PDE1A: variants seen among roughly 807,000 people sequenced by gnomAD.
The protein encoded by PDE1A is phosphodiesterase 1A, also known as dual specificity calcium/calmodulin-dependent 3',5'-cyclic nucleotide phosphodiesterase 1A.
PDE1A carries 35 observed loss-of-function variants against 61.7 expected under a neutral mutation model. The ratio of observed to expected loss-of-function variants is 0.57; its 90% CI spans 0.43 to 0.75. The LOEUF (loss-of-function observed/expected upper bound fraction) is 0.75, where lower values mean the gene tolerates loss of function less well. Ranked by LOEUF, PDE1A falls within the 30% of genes least tolerant of loss-of-function variation. PDE1A has a pLI of 0.00. For missense variants in PDE1A, 597 were observed against 630.6 expected (o/e 0.95, Z 0.57); for synonymous variants, 232 against 213.2 (o/e 1.09, Z -0.77).
intron 2 of PDE1A, among the ~76,000 whole-genome samples, chr2:182,470,612 G>GCCTC (rs1463490246): frequency 2.0e-5 from 3 of 151,794 alleles, no homozygotes; most frequent in Admixed American, 1.3e-4. Context: ...AAGTGGAGGG[G>GCCTC]CCTCCACTAC....
At chr2:182,597,679 C>T in the PDE1A span, among the ~76,000 whole-genome samples, 91,153 of 152,082 alleles carry the variant, frequency 0.6, 28,800 homozygotes, top group African/African-American at 0.79. Flanking sequence ...TCTCTAGATG[C>T]TAACTTTATT....
chr2:182,705,021 G>T, the PDE1A span, among the ~76,000 whole-genome samples: 1 of 152,200 alleles, frequency 6.6e-6, no homozygotes, highest in Admixed American at 6.5e-5. Flanking sequence ...CCTGGAGAAT[G>T]TGGCAAACCA....
chr2:182,186,869 A>G (rs1382054997), intron 11 of PDE1A, among the ~76,000 whole-genome samples: 2 of 152,230 alleles, frequency 1.3e-5, no homozygotes, highest in African/African-American at 4.8e-5. Flanking sequence ...AGCCTTATAT[A>G]ATATACGATT....
chr2:182,251,028 C>T (rs1691360215), intron 2 of PDE1A, among the ~76,000 whole-genome samples: 1 of 152,068 alleles, frequency 6.6e-6, no homozygotes, highest in Non-Finnish European at 1.5e-5. Context: ...AGAAAACTGC[C>T]CAAAGCCTTG....
intron 2 of PDE1A, among the ~76,000 whole-genome samples, chr2:182,451,040 C>T (rs1170271130): frequency 6.6e-6 from 1 of 151,986 alleles, no homozygotes; most frequent in African/African-American, 2.4e-5. Flanking sequence ...ATGACCAATG[C>T]TATGGAAATA....
the PDE1A span, among the ~76,000 whole-genome samples, chr2:182,627,492 G>T: frequency 6.9e-6 from 1 of 143,958 alleles, no homozygotes; most frequent in Admixed American, 7.4e-5. Flanking sequence ...ATTCAAGATT[G>T]CTCCAACAAA....
intron 1 of PDE1A, among the ~76,000 whole-genome samples, chr2:182,422,109 AGT>A (rs1394145742): frequency 2.6e-5 from 4 of 152,206 alleles, no homozygotes; most frequent in South Asian, 2.1e-4. Context: ...GGCTGCCTTT[AGT>A]GTCTTCGATC....
chr2:182,147,016 G>T, downstream of PDE1A: 4 of 1,043,738 alleles, frequency 3.8e-6, no homozygotes, highest in Non-Finnish European at 2.9e-6. Context: ...TTAAGTTTCT[G>T]GTCTATAAAA....
chr2:182,452,959 G>C (rs1035489454), intron 2 of PDE1A, among the ~76,000 whole-genome samples: 2 of 152,100 alleles, frequency 1.3e-5, no homozygotes, highest in African/African-American at 2.4e-5. Context: ...GACTGCACTT[G>C]CACTTTTTTA....
At chr2:182,604,574 C>T in the PDE1A span, among the ~76,000 whole-genome samples, 4 of 152,060 alleles carry the variant, frequency 2.6e-5, no homozygotes, top group South Asian at 6.2e-4. Flanking sequence ...AAAAAGACAA[C>T]CAATGAAAGA....
At chr2:182,676,723 A>AGTAG in the PDE1A span, among the ~76,000 whole-genome samples, 1 of 152,250 alleles carries the variant, frequency 6.6e-6, no homozygotes, top group Non-Finnish European at 1.5e-5. Context: ...ACCATGAGCA[A>AGTAG]GTAGGCTTCC....
chr2:182,499,186 T>TTGTTTTC lies in PDE1A; in HGVS notation c.101+23089_101+23090insGAAAACA, dbSNP rs1553633048. Among the ~76,000 whole-genome samples, 86 of 135,284 alleles carry TTGTTTTC rather than the reference T, an allele frequency of 6.4e-4. 1 individual carries two copies. The highest frequency in any genetic ancestry group is 2.4e-3 in the African/African-American group (85 of 35,332). 88.8% of individuals were successfully genotyped at this position (135,284 alleles called of 152,430 possible). A position where few individuals can be genotyped will look rare whatever the true frequency, so the allele number is the denominator to read the frequency against. ...TCTCTTTTTCTTGTTTTTTTTTTTTTTTTTTTTTGAGACGGAGTCTTGCTC... is the reference window on the plus strand; with the variant it reads ...TCTCTTTTTCTTGTTTTTTTTTTTTTTGTTTTCTTTTTTTTGAGACGGAGTCTTGCTC... On this transcript the variant is annotated intron_variant, in intron 2 of 14. Coordinates refer to the PDE1A transcript ENST00000410103.
upstream of PDE1A, among the ~76,000 whole-genome samples, chr2:182,431,232 A>T (rs146529119): frequency 0.013 from 1,937 of 151,636 alleles, 26 homozygotes; most frequent in South Asian, 0.048. Context: ...ACACACCTAA[A>T]CTCCAGTTTA....
chr2:182,214,623 T>C (rs1350197920), intron 7 of PDE1A, among the ~76,000 whole-genome samples: 3 of 149,960 alleles, frequency 2.0e-5, no homozygotes, highest in Non-Finnish European at 4.4e-5. Flanking sequence ...TCCTACTCTC[T>C]GATAAAACAG....
At chr2:182,686,906 C>CCACG in the PDE1A span, among the ~76,000 whole-genome samples, 1 of 152,210 alleles carries the variant, frequency 6.6e-6, no homozygotes, top group African/African-American at 2.4e-5. Context: ...TTGGAGGGTC[C>CCACG]CATGCCCATG....
At chr2:182,146,784 A>G (rs923981597), downstream of PDE1A, among the ~76,000 whole-genome samples, 1 of 152,160 alleles carries the variant, frequency 6.6e-6, no homozygotes, top group Admixed American at 6.5e-5. Context: ...GTGCCCGGCC[A>G]TTTTTAAAAT....
At chr2:182,332,079 C>T (rs1426911751) in intron 1 of PDE1A, among the ~76,000 whole-genome samples, 2 of 152,022 alleles carry the variant, frequency 1.3e-5, no homozygotes, top group African/African-American at 4.8e-5. Context: ...ATCTTGTCTT[C>T]ACACTTTATT....
the PDE1A span, among the ~76,000 whole-genome samples, chr2:182,618,799 T>C: frequency 2.6e-5 from 4 of 152,174 alleles, no homozygotes; most frequent in Non-Finnish European, 4.4e-5. Context: ...CAGAGACTTT[T>C]ATCTTTATGT....
intron 1 of PDE1A, among the ~76,000 whole-genome samples, chr2:182,343,099 T>C (rs886676503): frequency 4.6e-5 from 7 of 152,210 alleles, no homozygotes; most frequent in African/African-American, 1.7e-4. Flanking sequence ...AATAGGCCCA[T>C]AATACTCATT....
Sources: allele counts gnomAD v4.1 joint callset (sites outside exome capture counted in the v4.1 genomes callset), GRCh38; gene constraint gnomAD v4.1.1; transcripts MANE v1.5; gene names NCBI Gene and HGNC (gene_info 2026-07-23, HGNC 2026-07-21).